The following PTPN11 variants were observed in gnomAD, a reference collection of about 807,000 sequenced individuals.
The protein encoded by PTPN11 is tyrosine-protein phosphatase non-receptor type 11.
In PTPN11, 6 loss-of-function variants were observed where a neutral mutation model predicts 78.8. The ratio of observed to expected loss-of-function variants is 0.08; its 90% CI spans 0.04 to 0.15. The LOEUF (loss-of-function observed/expected upper bound fraction) is 0.15, where lower values mean the gene tolerates loss of function less well. Ranked by LOEUF, PTPN11 falls within the 10% of genes least tolerant of loss-of-function variation. The probability of loss-of-function intolerance (pLI) is 1.00; values close to 1 mark genes in which losing one functional copy is unlikely to be tolerated. For synonymous variants in PTPN11, 221 were observed against 263.5 expected (o/e 0.84, Z 1.56); for missense variants, 386 against 744.8 (o/e 0.52, Z 5.61).
chr12:112,500,216 C>A (rs1227969282), intron 13 of PTPN11, among the ~76,000 whole-genome samples: 1 of 152,140 alleles, frequency 6.6e-6, no homozygotes, highest in African/African-American at 2.4e-5. Flanking sequence ...GCACTCCAGC[C>A]TGGGTGACAG....
chr12:112,497,191 A>T (rs1302914325), intron 13 of PTPN11, among the ~76,000 whole-genome samples: 1 of 151,676 alleles, frequency 6.6e-6, no homozygotes, highest in African/African-American at 2.4e-5. Context: ...AAAAAAAAAA[A>T]ATTCCATAAT....
chr12:112,492,719 G>T (rs548237209), intron 13 of PTPN11, among the ~76,000 whole-genome samples: 2 of 151,940 alleles, frequency 1.3e-5, no homozygotes, highest in African/African-American at 4.8e-5. Context: ...GGGTCTCACC[G>T]TGTTAGCCAG....
Position 112,507,499 on chromosome 12 carries a change from T to G in PTPN11, c.*1707T>G, listed in dbSNP as rs1336715433. ...CCTCCAGCCAGGTTGAATGAGCTCA[T>G]TTTTGTTGTAGCCAACCAGTAAGAT... On this transcript the variant is annotated 3_prime_UTR_variant, in exon 16 of 16. Coordinates refer to ENST00000351677, the MANE Select transcript of PTPN11 (RefSeq NM_002834.5). 1 of 152,852 alleles carries G rather than the reference T, an allele frequency of 6.5e-6. No individual in the cohort carries two copies. Among genetic ancestry groups the G allele is most frequent in the Non-Finnish European group, 1.5e-5 (1 of 68,080 alleles). The allele number at this position is 152,852 out of a possible 1,614,324, so 9.5% of individuals were successfully genotyped here. A position where few individuals can be genotyped will look rare whatever the true frequency, so the allele number is the denominator to read the frequency against.
intron 1 of PTPN11, among the ~76,000 whole-genome samples, chr12:112,439,795 A>C (rs928541352): frequency 1.4e-4 from 20 of 144,596 alleles, no homozygotes; most frequent in South Asian, 6.6e-4. Context: ...AAAAAAAAAA[A>C]CAAAAACAAA....
intron 1 of PTPN11, among the ~76,000 whole-genome samples, chr12:112,433,005 C>T (rs572213120): frequency 1.3e-5 from 2 of 151,886 alleles, no homozygotes; most frequent in East Asian, 1.9e-4. Context: ...GGACTGCAGG[C>T]GCAGGACACC....
At chr12:112,454,880 T>TG in intron 5 of PTPN11, 200 bp downstream of exon 5, 1 of 618,488 alleles carries the variant, frequency 1.6e-6, no homozygotes, top group Non-Finnish European at 3.0e-6. Flanking sequence ...AGTACAGTGT[T>TG]GCAATCTTGG....
chr12:112,488,558 T>C (rs1175052375), intron 12 of PTPN11, 48 bp downstream of exon 12: 2 of 1,540,540 alleles, frequency 1.3e-6, no homozygotes, highest in South Asian at 1.1e-5. Context: ...TTTTAGTTTA[T>C]GGAAGGAAAG....
chr12:112,442,991 C>T (rs930950196), intron 1 of PTPN11, among the ~76,000 whole-genome samples: 1 of 148,930 alleles, frequency 6.7e-6, no homozygotes, highest in Non-Finnish European at 1.5e-5. Context: ...ATATGTGTCT[C>T]TATATTTAAG....
intron 9 of PTPN11, among the ~76,000 whole-genome samples, 169 bp downstream of exon 9, chr12:112,478,184 T>C (rs753716849): frequency 1.3e-5 from 2 of 152,222 alleles, no homozygotes; most frequent in Non-Finnish European, 2.9e-5. Context: ...TAGTTTTCTT[T>C]ATGTTTCTTC....
rs766534578 is a variant in PTPN11, at chr12:112,489,183, C to A, written c.1599+8C>A. The A allele has an allele frequency of 6.2e-7, 1 of 1,614,052 alleles. No homozygotes were observed. Among genetic ancestry groups the A allele is most frequent in the Non-Finnish European group, 8.5e-7 (1 of 1,180,004 alleles). ...AGGATTGAAGAAGAGCAGGTACCAG[C>A]CTGAGGGCTGGCATGCGGATTCTCA... is the stretch of plus-strand genomic sequence containing the variant. On this transcript the variant is annotated splice_region_variant and intron_variant, in intron 13 of 15. Transcript: ENST00000351677.
chr12:112,441,405 GCATATGCCAC>G (rs1052894660), intron 1 of PTPN11, among the ~76,000 whole-genome samples: 4 of 151,978 alleles, frequency 2.6e-5, no homozygotes, highest in African/African-American at 9.7e-5. Context: ...GGGACTACAG[GCATATGCCAC>G]CACACCTGGC....
In PTPN11 at chr12:112,508,821, G is replaced by A. The variant is rs2038967030; in HGVS notation, c.*3029G>A. 6.6e-6 allele frequency: 1 copy of A among 152,130 alleles called. No individual in the cohort carries two copies. The highest frequency in any genetic ancestry group is 2.1e-4 in the South Asian group (1 of 4,816). The allele number at this position is 152,130 out of a possible 1,614,324, so 9.4% of individuals were successfully genotyped here. On this transcript the variant is annotated 3_prime_UTR_variant, in exon 16 of 16. Transcript: ENST00000351677. ...AGGTCTTTTCAAATGTGGCTAAATG[G>A]GGATGAGGAGACACGGGTAGGACTT... is the stretch of plus-strand genomic sequence containing the variant.
At chr12:112,442,264 A>G (rs1170273434) in intron 1 of PTPN11, among the ~76,000 whole-genome samples, 2 of 152,184 alleles carry the variant, frequency 1.3e-5, no homozygotes, top group African/African-American at 2.4e-5. Context: ...TCAACCTTAT[A>G]CAGGTTGAGT....
In PTPN11 at chr12:112,441,042, G is replaced by A. The variant is rs373913671; in HGVS notation, c.15-5234G>A. The stretch of plus-strand genomic sequence containing the variant: ...GCAGTGGTGGCGATCTTGGCTCACC[G>A]CACCCTCCGCTTCCCGGGTTCAAGC... On this transcript the variant is annotated intron_variant, in intron 1 of 15. Coordinates refer to ENST00000351677, the MANE Select transcript of PTPN11 (RefSeq NM_002834.5). Among the ~76,000 whole-genome samples the A allele has an allele frequency of 7.6e-5, 11 of 144,750 alleles. No individual in the cohort carries two copies. In the South Asian group the frequency reaches 2.0e-3, roughly 26 times the overall value. 95.0% of individuals were successfully genotyped at this position (144,750 alleles called of 152,430 possible). A position where few individuals can be genotyped will look rare whatever the true frequency, so the allele number is the denominator to read the frequency against.
chr12:112,497,415 A>G (rs1700373846), intron 13 of PTPN11, among the ~76,000 whole-genome samples: 1 of 152,186 alleles, frequency 6.6e-6, no homozygotes, highest in African/African-American at 2.4e-5. Context: ...CTGAGGTTGT[A>G]ACAATGAAGA....
intron 11 of PTPN11, 135 bp from the exon 12 acceptor site, chr12:112,488,308 C>G: frequency 1.1e-6 from 1 of 887,414 alleles, no homozygotes; most frequent in Non-Finnish European, 1.9e-6. Flanking sequence ...AACATATTTT[C>G]AAACATAAAT....
intron 1 of PTPN11, among the ~76,000 whole-genome samples, chr12:112,420,432 G>A (rs1182025583): frequency 7.9e-5 from 12 of 151,460 alleles, no homozygotes. Context: ...CACAATCTCC[G>A]CCTCCTAGGT....
chr12:112,494,480 T>C (rs1257031881), intron 13 of PTPN11, among the ~76,000 whole-genome samples: 1 of 140,800 alleles, frequency 7.1e-6, no homozygotes, highest in East Asian at 2.0e-4. Flanking sequence ...TTTGTTGTTA[T>C]TGCTTGAATT....
intron 6 of PTPN11, among the ~76,000 whole-genome samples, chr12:112,459,109 C>T (rs1479311336): frequency 2.0e-5 from 3 of 152,088 alleles, no homozygotes; most frequent in African/African-American, 7.2e-5. Flanking sequence ...CTTCCTTGTC[C>T]CCTGCCTGCC....
Sources: gnomAD v4.1 joint callset for allele counts (sites outside exome capture counted in the v4.1 genomes callset) on GRCh38, gnomAD v4.1.1 for gene constraint, MANE v1.5 for transcripts, NCBI Gene and HGNC (gene_info 2026-07-23, HGNC 2026-07-21) for gene names.